Variants in NBEAL1 observed in about 807,000 individuals in gnomAD.
The protein encoded by NBEAL1 is neurobeachin-like protein 1.
A neutral mutation model predicts 351.3 loss-of-function variants in NBEAL1; 273 were observed. That is an observed-to-expected ratio of 0.78 (90% CI 0.70 to 0.86). NBEAL1 has a LOEUF of 0.86. Ranked by LOEUF, NBEAL1 falls within the 40% of genes least tolerant of loss-of-function variation. NBEAL1 has a pLI of 0.00. For synonymous variants in NBEAL1, 1,050 were observed against 1,086.4 expected, an observed-to-expected ratio of 0.97 and a Z score of 0.66; for missense variants, 2,961 against 3,201.3, an observed-to-expected ratio of 0.92 and a Z score of 1.81.
intron 18 of NBEAL1, among the ~76,000 whole-genome samples, chr2:203,120,387 TGGAATAATGTAC>T (rs1270207789): frequency 6.6e-6 from 1 of 152,196 alleles, no homozygotes; most frequent in Admixed American, 6.5e-5. Context: ...ATTTCTTTGT[TGGAATAATGTAC>T]GGAATAATGT....
At chr2:203,040,268 C>T (rs1172136991) in intron 2 of NBEAL1, 5 of 820,074 alleles carry the variant, frequency 6.1e-6, no homozygotes, top group Non-Finnish European at 1.0e-5. Context: ...CGACTGGAAT[C>T]ATTCCTACAT....
At position 203,219,325 on chromosome 2, in the gene NBEAL1, C is replaced by G. The variant is rs948645556; in HGVS notation, c.*1971C>G. ...CCTTCATTTTTAAGATTACTTAATACTGGATTTGAAAATTATTTTGGATGC... is the reference window on the plus strand; with the variant it reads ...CCTTCATTTTTAAGATTACTTAATAGTGGATTTGAAAATTATTTTGGATGC... On this transcript the variant is annotated 3_prime_UTR_variant, in exon 56 of 56. Transcript: ENST00000683969. The G allele has an allele frequency of 6.6e-6, 1 of 151,824 alleles. No individual in the cohort carries two copies. Among genetic ancestry groups the G allele is most frequent in the African/African-American group, 2.4e-5 (1 of 41,314 alleles). 9.4% of individuals were successfully genotyped at this position (151,824 alleles called of 1,614,324 possible).
In NBEAL1 at chr2:203,112,222, G is replaced by A. The variant is rs2062589612; in HGVS notation, c.2202+124G>A. On this transcript the variant is annotated intron_variant, in intron 16 of 55. Coordinates refer to ENST00000683969, the MANE Select transcript of NBEAL1 (RefSeq NM_001378026.1). ...CCCCAGATTTTAAAGTGTTTTCTAT[G>A]TAGTAAGACTCCACACATTAATATT... The A allele has an allele frequency of 6.5e-6, 6 of 922,492 alleles. No individual in the cohort carries two copies. In the South Asian group the frequency reaches 1.0e-4, roughly 16 times the overall value. 57.1% of individuals were successfully genotyped at this position (922,492 alleles called of 1,614,324 possible).
intron 36 of NBEAL1, among the ~76,000 whole-genome samples, chr2:203,164,008 A>G (rs990155327): frequency 1.2e-3 from 189 of 152,168 alleles, no homozygotes; most frequent in African/African-American, 4.4e-3. Context: ...TTCTGTATAC[A>G]AGAATTTTTT....
chr2:203,201,297 C>G (rs1448647625), intron 49 of NBEAL1, among the ~76,000 whole-genome samples: 3 of 152,184 alleles, frequency 2.0e-5, no homozygotes, highest in Admixed American at 6.5e-5. Flanking sequence ...AAGCTTTCTT[C>G]ACACCTTCAC....
chr2:203,100,799 C>T (rs940344838), intron 12 of NBEAL1, among the ~76,000 whole-genome samples: 3 of 152,142 alleles, frequency 2.0e-5, no homozygotes, highest in East Asian at 1.9e-4. Context: ...CCGCCTGCCT[C>T]GACCTCCAAA....
At chr2:203,044,918 CCAAA>C (rs1337549627) in intron 3 of NBEAL1, among the ~76,000 whole-genome samples, 1 of 152,046 alleles carries the variant, frequency 6.6e-6, no homozygotes, top group African/African-American at 2.4e-5. Flanking sequence ...CATTCAAGAG[CCAAA>C]CAGAGGAACA....
In NBEAL1 at chr2:203,016,322, C is replaced by A; in HGVS notation, c.-63C>A. 2 of 1,156,326 alleles carry A rather than the reference C, an allele frequency of 1.7e-6. No homozygotes were observed. Among genetic ancestry groups the A allele is most frequent in the East Asian group, 2.7e-5 (1 of 37,556 alleles). The allele number at this position is 1,156,326 out of a possible 1,614,324, so 71.6% of individuals were successfully genotyped here. On this transcript the variant is annotated 5_prime_UTR_variant, in exon 2 of 56. Transcript: ENST00000683969. ...TGAAAAACTTGGAAAATAAAATGGA[C>A]ATGCTGTAGTCTTGAACATAATTTT...
intron 35 of NBEAL1, among the ~76,000 whole-genome samples, chr2:203,156,300 C>T (rs2063796540): frequency 6.6e-6 from 1 of 152,174 alleles, no homozygotes; most frequent in South Asian, 2.1e-4. Context: ...TTGCTATTGC[C>T]ATGGCTTAGC....
chr2:203,209,051 A>G, intron 52 of NBEAL1, 110 bp from the exon 53 acceptor site: 1 of 857,828 alleles, frequency 1.2e-6, no homozygotes, highest in South Asian at 2.0e-5. Context: ...TGGAATAATC[A>G]TTTTCTTGGT....
intron 7 of NBEAL1, chr2:203,074,911 A>T (rs1428920448): frequency 6.5e-6 from 1 of 152,734 alleles, no homozygotes; most frequent in African/African-American, 2.4e-5. Flanking sequence ...GCTTAAAGGG[A>T]TTTTGATGCT....
chr2:203,136,306 C>T, intron 28 of NBEAL1, 54 bp downstream of exon 28: 1 of 1,183,830 alleles, frequency 8.4e-7, no homozygotes, highest in Non-Finnish European at 1.2e-6. Context: ...CTGATATATA[C>T]TTCTAATCCT....
intron 47 of NBEAL1, 56 bp downstream of exon 47, chr2:203,193,967 A>G: frequency 1.0e-6 from 1 of 996,130 alleles, no homozygotes; most frequent in South Asian, 1.5e-5. Context: ...TGTACATTTT[A>G]AAGTTCTTTT....
At chr2:203,125,870 T>C in intron 20 of NBEAL1, 90 bp from the exon 21 acceptor site, 1 of 1,099,430 alleles carries the variant, frequency 9.1e-7, no homozygotes, top group Non-Finnish European at 1.2e-6. Context: ...AGATTTCTAC[T>C]TTGTGTAACA....
chr2:203,200,732 T>C (rs2065374879), intron 49 of NBEAL1, among the ~76,000 whole-genome samples: 2 of 152,060 alleles, frequency 1.3e-5, no homozygotes, highest in African/African-American at 4.8e-5. Context: ...AAAATCACAC[T>C]CCATGTTGAG....
chr2:203,192,963 CTTTTTTTTTTTTT>C (rs71408917), intron 46 of NBEAL1, among the ~76,000 whole-genome samples: 2 of 99,346 alleles, frequency 2.0e-5, no homozygotes, highest in African/African-American at 7.7e-5. Flanking sequence ...TTCTTTCTTT[CTTTTTTTTTTTTT>C]TTTTTTTTTT....
chr2:203,087,890 A>G (rs1574951299), intron 10 of NBEAL1, among the ~76,000 whole-genome samples: 1 of 152,198 alleles, frequency 6.6e-6, no homozygotes, highest in South Asian at 2.1e-4. Flanking sequence ...CTTAATAAAT[A>G]AAGTTGAAAA....
intron 12 of NBEAL1, among the ~76,000 whole-genome samples, chr2:203,105,291 T>A (rs753474952): frequency 1.2e-3 from 178 of 151,490 alleles, no homozygotes; most frequent in Non-Finnish European, 2.3e-3. Flanking sequence ...TGAAACCCCA[T>A]CTCTACTAAA....
At chr2:203,193,648 A>G (rs987868949) in intron 46 of NBEAL1, 147 bp from the exon 47 acceptor site, 8 of 458,170 alleles carry the variant, frequency 1.7e-5, no homozygotes, top group African/African-American at 1.6e-4. Flanking sequence ...TATCTCTGCT[A>G]AGAGAATAGT....
Sources: gnomAD v4.1 joint callset for allele counts (sites outside exome capture counted in the v4.1 genomes callset) on GRCh38, gnomAD v4.1.1 for gene constraint, MANE v1.5 for transcripts, NCBI Gene and HGNC (gene_info 2026-07-23, HGNC 2026-07-21) for gene names.